AKT3: variants seen among roughly 807,000 people sequenced by gnomAD.
AKT3 encodes the protein RAC-gamma serine/threonine-protein kinase.
Under a neutral mutation model 65.3 loss-of-function variants are expected in AKT3, and 15 were observed. The observed-to-expected ratio is 0.23, with a 90% CI of 0.15 to 0.35. The LOEUF is 0.35. AKT3 is among the 10% of genes least tolerant of loss of function. The pLI, the probability that AKT3 is intolerant of heterozygous loss-of-function variation, is 1.00. For missense variants in AKT3, 243 were observed against 576.5 expected, an observed-to-expected ratio of 0.42 and a Z score of 5.92; for synonymous variants, 206 against 183.8, an observed-to-expected ratio of 1.12 and a Z score of -0.98.
chr1:243,695,894 T>C (rs1421663904), intron 2 of AKT3, among the ~76,000 whole-genome samples, 178 bp from the exon 3 acceptor site: 1 of 152,016 alleles, frequency 6.6e-6, no homozygotes, highest in Non-Finnish European at 1.5e-5. Context: ...TAAGATTCAA[T>C]AAAAACCCAA....
intron 6 of AKT3, among the ~76,000 whole-genome samples, chr1:243,618,308 T>C (rs1354899743): frequency 6.6e-6 from 1 of 152,148 alleles, no homozygotes; most frequent in Non-Finnish European, 1.5e-5. Flanking sequence ...TTTTCTAACA[T>C]ATTTTACAGC....
At chr1:243,757,864 G>T (rs1219695363) in intron 2 of AKT3, among the ~76,000 whole-genome samples, 1 of 151,642 alleles carries the variant, frequency 6.6e-6, no homozygotes, top group Non-Finnish European at 1.5e-5. Flanking sequence ...AGGTTCAAGC[G>T]ATTCTGGTGC....
intron 2 of AKT3, among the ~76,000 whole-genome samples, chr1:243,715,906 T>C (rs928519646): frequency 2.6e-5 from 4 of 152,084 alleles, no homozygotes; most frequent in African/African-American, 7.2e-5. Context: ...GATGTGAATA[T>C]AAGATCTGAA....
chr1:243,766,244 G>A (rs1326391213), intron 2 of AKT3, among the ~76,000 whole-genome samples: 6 of 152,046 alleles, frequency 3.9e-5, no homozygotes, highest in African/African-American at 1.4e-4. Flanking sequence ...TGGTGAGGAG[G>A]GGCATCCATT....
chr1:243,527,934 CACAGAGAGAGAG>C (rs1254997756), intron 12 of AKT3, among the ~76,000 whole-genome samples: 38 of 29,096 alleles, frequency 1.3e-3, no homozygotes, highest in African/African-American at 3.2e-3. Context: ...CACACACACA[CACAGAGAGAGAG>C]AGAGAGAGAG....
At chr1:243,771,785 A>G (rs1690201438) in intron 2 of AKT3, among the ~76,000 whole-genome samples, 1 of 152,178 alleles carries the variant, frequency 6.6e-6, no homozygotes, top group Non-Finnish European at 1.5e-5. Flanking sequence ...CTGACTTCAA[A>G]CTATACTACA....
Position 243,680,642 on chromosome 1 carries a change from A to G in AKT3, c.172+14949T>C, listed in dbSNP as rs116589729. The stretch of plus-strand genomic sequence containing the variant: ...GAAAAAATCAGAAAGCCAATAATTT[A>G]GCATGTATCAACTCAGAGGAAGCAA... On this transcript the variant is annotated intron_variant, in intron 3 of 13. Transcript: ENST00000673466. Among the ~76,000 whole-genome samples, 466 of 152,302 alleles carry G rather than the reference A, an allele frequency of 3.1e-3. 4 individuals are homozygous for G. Among genetic ancestry groups the G allele is most frequent in the African/African-American group, 0.011 (441 of 41,568 alleles).
intron 9 of AKT3, among the ~76,000 whole-genome samples, chr1:243,564,942 A>T (rs1674047779): frequency 6.6e-6 from 1 of 152,170 alleles, no homozygotes; most frequent in African/African-American, 2.4e-5. Flanking sequence ...ACAGATCTCC[A>T]CTTTAGAACA....
chr1:243,587,956 T>G (rs1675926339), intron 8 of AKT3, among the ~76,000 whole-genome samples: 3 of 152,118 alleles, frequency 2.0e-5, no homozygotes, highest in Admixed American at 2.0e-4. Context: ...AGAACTCTCA[T>G]TAGATACTGG....
intron 3 of AKT3, among the ~76,000 whole-genome samples, chr1:243,682,564 G>C (rs1423095368): frequency 6.6e-6 from 1 of 152,124 alleles, no homozygotes; most frequent in Non-Finnish European, 1.5e-5. Context: ...AGAAAACAAT[G>C]TCTGACATGA....
At chr1:243,491,110 C>T (rs578177873) in intron 13 of AKT3, among the ~76,000 whole-genome samples, 1 of 152,336 alleles carries the variant, frequency 6.6e-6, no homozygotes, top group Admixed American at 6.5e-5. Context: ...GGGCTCTGGA[C>T]TAGATCAGGA....
At position 243,733,643 on chromosome 1, in the gene AKT3, C is replaced by T. The variant is rs1002387881; in HGVS notation, c.47-37927G>A. ...GAGACCTTTTGGGTTCAGTTACAGA[C>T]CTCTACAATAAATATGGCAATAAAA... is the stretch of plus-strand genomic sequence containing the variant. On this transcript the variant is annotated intron_variant, in intron 2 of 13. Transcript: ENST00000673466. Among the ~76,000 whole-genome samples the T allele has an allele frequency of 2.0e-5, 3 of 152,168 alleles. No individual in the cohort carries two copies. In the South Asian group the frequency reaches 6.2e-4, roughly 31 times the overall value.
chr1:243,825,522 C>A (rs760886632), intron 2 of AKT3, among the ~76,000 whole-genome samples: 10 of 152,114 alleles, frequency 6.6e-5, no homozygotes, highest in Non-Finnish European at 1.5e-4. Flanking sequence ...TTAAGACAAT[C>A]CAAGTAACTG....
In AKT3 at chr1:243,681,521, C is replaced by T. The variant is rs1222348489; in HGVS notation, c.172+14070G>A. ...ATCAAATTTATCAGCCACCCATCTA[C>T]GACATCTATATTTGTTCCTTTGCTC... On this transcript the variant is annotated intron_variant, in intron 3 of 13. Coordinates refer to ENST00000673466, the MANE Select transcript of AKT3 (RefSeq NM_005465.7). 3.9e-5 allele frequency among the ~76,000 whole-genome samples: 6 copies of T among 152,108 alleles called. No homozygotes were observed. In the South Asian group the frequency reaches 6.2e-4, roughly 16 times the overall value.
chr1:243,778,363 C>T (rs145438858), intron 2 of AKT3, among the ~76,000 whole-genome samples: 14 of 152,262 alleles, frequency 9.2e-5, no homozygotes, highest in African/African-American at 3.4e-4. Flanking sequence ...CTAAGCCTTG[C>T]AAAGGTTGAG....
At chr1:243,507,106 G>A (rs978625555) in intron 13 of AKT3, among the ~76,000 whole-genome samples, 6 of 152,242 alleles carry the variant, frequency 3.9e-5, no homozygotes, top group Admixed American at 3.9e-4. Flanking sequence ...CAAACCTGCA[G>A]CTGGCTCTGG....
intron 12 of AKT3, among the ~76,000 whole-genome samples, chr1:243,515,976 C>CAAA (rs34471647): frequency 1.0e-4 from 14 of 139,668 alleles, no homozygotes; most frequent in African/African-American, 3.4e-4. Flanking sequence ...GACTCCATCT[C>CAAA]AAAAAAAAAA....
In AKT3 at chr1:243,704,190, A is replaced by T. The variant is rs565522965; in HGVS notation, c.47-8474T>A. ...GGTGCTGCTGCTCAAGACCACCTAG[A>T]TCAAAAAAGCCACTTTAAACATCTT... On this transcript the variant is annotated intron_variant, in intron 2 of 13. Coordinates refer to ENST00000673466, the MANE Select transcript of AKT3 (RefSeq NM_005465.7). 1.4e-3 allele frequency among the ~76,000 whole-genome samples: 206 copies of T among 152,348 alleles called. 1 individual carries two copies. Among genetic ancestry groups the T allele is most frequent in the Admixed American group, 0.011 (161 of 15,308 alleles).
chr1:243,644,531 A>G (rs1042227631), intron 5 of AKT3, among the ~76,000 whole-genome samples: 6 of 152,128 alleles, frequency 3.9e-5, no homozygotes, highest in Non-Finnish European at 7.4e-5. Context: ...GAAGTTCAAA[A>G]TGAAAAAAAA....
Sources: gnomAD v4.1 joint callset for allele counts (sites outside exome capture counted in the v4.1 genomes callset) on GRCh38, gnomAD v4.1.1 for gene constraint, MANE v1.5 for transcripts, NCBI Gene and HGNC (gene_info 2026-07-23, HGNC 2026-07-21) for gene names.